Variants in MYO16 observed in about 807,000 individuals in gnomAD.
The protein encoded by MYO16 is unconventional myosin-XVI.
Under a neutral mutation model 205.3 loss-of-function variants are expected in MYO16, and 94 were observed. The ratio of observed to expected loss-of-function variants is 0.46; its 90% CI spans 0.39 to 0.54. The LOEUF is 0.54. Among genes scored for constraint, MYO16 ranks in the 20% least tolerant of loss-of-function variants. MYO16 has a pLI of 0.00. For synonymous variants in MYO16, 988 were observed against 954.0 expected (o/e 1.04, Z -0.66); for missense variants, 2,315 against 2,387.5 (o/e 0.97, Z 0.63).
chr13:108,529,517 A>G, the MYO16 span, among the ~76,000 whole-genome samples: 2 of 152,170 alleles, frequency 1.3e-5, no homozygotes, highest in African/African-American at 4.8e-5. Flanking sequence ...CACTAGAGCT[A>G]CTGATGTTCG....
Position 109,002,038 on chromosome 13 carries a change from A to T in MYO16, c.2443-6859A>T, listed in dbSNP as rs1885232300. On this transcript the variant is annotated intron_variant, in intron 21 of 34. Coordinates refer to ENST00000457511, the MANE Select transcript of MYO16 (RefSeq NM_001198950.3). ...TGCATAGTGCATTCTCAGTTCTATG[A>T]TCTATCTCAGTGTGTTCAACCATGT... Among the ~76,000 whole-genome samples the T allele has an allele frequency of 2.6e-5, 4 of 152,162 alleles. 1 individual carries two copies. In the South Asian group the frequency reaches 8.3e-4, roughly 32 times the overall value.
intron 32 of MYO16, among the ~76,000 whole-genome samples, chr13:109,154,438 T>G (rs2139844330): frequency 6.6e-6 from 1 of 152,328 alleles, no homozygotes. Context: ...TTTTTGTTAT[T>G]AAGTACTTTA....
intron 4 of MYO16, among the ~76,000 whole-genome samples, chr13:108,730,297 C>T (rs1264702098): frequency 6.6e-6 from 1 of 152,178 alleles, no homozygotes; most frequent in Non-Finnish European, 1.5e-5. Flanking sequence ...GAAGAGGTGT[C>T]TTCCACCATG....
intron 31 of MYO16, among the ~76,000 whole-genome samples, chr13:109,128,772 T>G (rs1471982448): frequency 1.7e-4 from 25 of 145,468 alleles, no homozygotes; most frequent in Admixed American, 1.5e-3. Flanking sequence ...TTTTTAGTTT[T>G]TTTTTTTTTT....
chr13:108,919,850 C>A (rs892235639), intron 16 of MYO16, among the ~76,000 whole-genome samples: 4 of 152,160 alleles, frequency 2.6e-5, no homozygotes, highest in African/African-American at 9.7e-5. Context: ...AAAAACATGA[C>A]CCAACCTGAA....
chr13:108,858,313 T>C (rs969082071), intron 11 of MYO16, among the ~76,000 whole-genome samples: 1 of 152,220 alleles, frequency 6.6e-6, no homozygotes, highest in East Asian at 1.9e-4. Context: ...CCATGATTAA[T>C]TGGGACTAAA....
intron 6 of MYO16, among the ~76,000 whole-genome samples, chr13:108,796,588 T>TA (rs1172221196): frequency 6.6e-6 from 1 of 152,094 alleles, no homozygotes; most frequent in Non-Finnish European, 1.5e-5. Context: ...TATGCATCCA[T>TA]AAAAAATGAT....
rs755711657 is a variant in MYO16 at position 108,785,614 on chromosome 13, TA to T, written c.508-20del. On this transcript the variant is annotated intron_variant, in intron 4 of 34. Transcript: ENST00000457511. The stretch of plus-strand genomic sequence containing the variant: ...AATTTAAACAGTATATATGATGTTA[TA>T]TTTTTTTCTTTTTATCTAGGCTGGA... The T allele has an allele frequency of 3.4e-6, 5 of 1,465,278 alleles. No homozygotes were observed. Among genetic ancestry groups the T allele is most frequent in the Non-Finnish European group, 3.7e-6 (4 of 1,068,730 alleles). 90.8% of individuals were successfully genotyped at this position (1,465,278 alleles called of 1,614,324 possible). A position where few individuals can be genotyped will look rare whatever the true frequency, so the allele number is the denominator to read the frequency against.
chr13:108,939,396 C>T (rs1027566724), intron 16 of MYO16, among the ~76,000 whole-genome samples: 1 of 152,170 alleles, frequency 6.6e-6, no homozygotes, highest in Non-Finnish European at 1.5e-5. Flanking sequence ...ACTGGGGCTT[C>T]GCTCACTTTT....
chr13:108,929,576 C>T (rs1566417455), intron 16 of MYO16, among the ~76,000 whole-genome samples: 1 of 152,148 alleles, frequency 6.6e-6, no homozygotes, highest in Non-Finnish European at 1.5e-5. Flanking sequence ...TCTTACTCCA[C>T]GGAGCACACC....
chr13:108,516,706 G>T, the MYO16 span, among the ~76,000 whole-genome samples: 3 of 152,018 alleles, frequency 2.0e-5, no homozygotes, highest in Non-Finnish European at 4.4e-5. Flanking sequence ...TTTCTCTGTT[G>T]TTTTGTCACC....
chr13:108,811,588 G>A (rs1054873364), intron 7 of MYO16, among the ~76,000 whole-genome samples: 19 of 148,564 alleles, frequency 1.3e-4, no homozygotes, highest in African/African-American at 4.7e-4. Flanking sequence ...ATCCCCATCT[G>A]TTGCTCTTCT....
chr13:109,120,536 C>G, intron 29 of MYO16, 70 bp downstream of exon 29: 1 of 1,213,850 alleles, frequency 8.2e-7, no homozygotes, highest in Non-Finnish European at 1.2e-6. Flanking sequence ...AGTGCATCCC[C>G]AAGTTTAAAT....
At chr13:109,159,873 C>T (rs767681675) in intron 32 of MYO16, among the ~76,000 whole-genome samples, 17 of 152,232 alleles carry the variant, frequency 1.1e-4, no homozygotes, top group Non-Finnish European at 1.9e-4. Context: ...CCAAGGCCAG[C>T]AGGAGTCAGG....
At chr13:108,806,438 T>G in intron 6 of MYO16, among the ~76,000 whole-genome samples, 1 of 152,176 alleles carries the variant, frequency 6.6e-6, no homozygotes, top group East Asian at 1.9e-4. Context: ...GGGAGTTACA[T>G]GAAAAAGTGC....
Position 108,888,456 on chromosome 13 carries a change from A to G in MYO16, c.1638A>G (p.Thr546=), listed in dbSNP as rs147534854. The G allele has an allele frequency of 3.4e-4, 547 of 1,604,580 alleles. No homozygotes were observed. Among genetic ancestry groups the G allele is most frequent in the Non-Finnish European group, 4.3e-4 (509 of 1,177,186 alleles). The change falls in exon 14 of 35, where the codon ACA becomes ACG. Residue 546 remains threonine (T), a synonymous_variant. Coordinates refer to ENST00000457511, the MANE Select transcript of MYO16 (RefSeq NM_001198950.3). The part of the protein sequence containing the change: ...LTCRAGASRA[T]LDSRFKHVVC... ...GCAGGGCTGGCGCCAGCAGGGCCAC[A>G]CTGGATTCCAGATTCAAACATGTAA...
intron 21 of MYO16, among the ~76,000 whole-genome samples, chr13:108,996,115 A>G (rs1049304766): frequency 3.9e-5 from 6 of 152,248 alleles, no homozygotes; most frequent in East Asian, 1.9e-4. Context: ...TCATGCTGCT[A>G]TAAAGACACA....
In MYO16 at chr13:109,140,637, C is replaced by G. The variant is rs574047767; in HGVS notation, c.4425C>G (p.His1475Gln). 2.0e-6 allele frequency: 3 copies of G among 1,514,548 alleles called. No individual in the cohort carries two copies. Among genetic ancestry groups the G allele is most frequent in the Non-Finnish European group, 2.6e-6 (3 of 1,135,806 alleles). The allele number at this position is 1,514,548 out of a possible 1,614,324, so 93.8% of individuals were successfully genotyped here. ...CGGGCGCGGGCTCCTTCCTGCTCCA[C>G]GGCGCATCGCCGCCCCTGCTCCACC... The part of the protein sequence containing the change: ...GGPGAGSFLL[H>Q]GASPPLLHRA... The change falls in exon 32 of 35, where the codon CAC (histidine) becomes CAG (glutamine). Residue 1475 changes from histidine to glutamine, a missense_variant. Around this residue, in one of 3 missense-constraint regions of MYO16, gnomAD observed 1,097 missense variants for 1,092.0 expected, o/e 1.00. Transcript: ENST00000457511. This position sits in a 1 kb window ranked among gnomAD's most constrained non-coding sequence, Gnocchi z 8.0.
chr13:108,745,914 G>A (rs184430327), intron 4 of MYO16, among the ~76,000 whole-genome samples: 17 of 152,232 alleles, frequency 1.1e-4, no homozygotes, highest in Non-Finnish European at 1.5e-4. Flanking sequence ...GCAGCCGGGC[G>A]CGGTGGCTCA....
Sources: gnomAD v4.1 joint callset for allele counts (sites outside exome capture counted in the v4.1 genomes callset) on GRCh38, gnomAD v4.1.1 for gene constraint, gnomAD v4.1.1 regional missense constraint, Gnocchi (gnomAD v3.1) non-coding constraint, MANE v1.5 for transcripts, NCBI Gene and HGNC (gene_info 2026-07-23, HGNC 2026-07-21) for gene names.